The following FSTL4 variants were observed in gnomAD, a reference collection of about 807,000 sequenced individuals.
FSTL4 encodes the protein follistatin like 4.
Under a neutral mutation model 78.2 loss-of-function variants are expected in FSTL4, and 28 were observed. That is an observed-to-expected ratio of 0.36 (90% CI 0.27 to 0.49). The LOEUF (loss-of-function observed/expected upper bound fraction) is 0.49, where lower values mean the gene tolerates loss of function less well. Ranked by LOEUF, FSTL4 falls within the 20% of genes least tolerant of loss-of-function variation. FSTL4 has a pLI of 0.98. For missense variants in FSTL4, 922 were observed against 1,084.9 expected (o/e 0.85, Z 2.11); for synonymous variants, 422 against 440.5 (o/e 0.96, Z 0.53).
At chr5:133,370,128 C>A (rs1755262222) in intron 4 of FSTL4, among the ~76,000 whole-genome samples, 1 of 152,192 alleles carries the variant, frequency 6.6e-6, no homozygotes, top group Admixed American at 6.5e-5. Context: ...GTGGTCATAG[C>A]CCCACAACCT....
intron 6 of FSTL4, among the ~76,000 whole-genome samples, chr5:133,286,823 C>T (rs566515533): frequency 3.7e-4 from 56 of 152,270 alleles, no homozygotes; most frequent in Middle Eastern, 3.4e-3. Flanking sequence ...TGTCTGTGAG[C>T]GTCTGGAAGT....
At chr5:133,330,482 G>T (rs931963593) in intron 4 of FSTL4, among the ~76,000 whole-genome samples, 1 of 152,072 alleles carries the variant, frequency 6.6e-6, no homozygotes, top group Non-Finnish European at 1.5e-5. Flanking sequence ...ATCTCGCAAG[G>T]ACTCACTACC....
chr5:133,723,233 T>C, the FSTL4 span, among the ~76,000 whole-genome samples: 1 of 152,162 alleles, frequency 6.6e-6, no homozygotes, highest in Non-Finnish European at 1.5e-5. Context: ...ATAGCCCAGA[T>C]ACTTGGGCCC....
intron 13 of FSTL4, among the ~76,000 whole-genome samples, chr5:133,213,504 A>G (rs923283792): frequency 2.0e-5 from 3 of 152,198 alleles, no homozygotes; most frequent in African/African-American, 7.2e-5. Flanking sequence ...AGTAAGGGGG[A>G]GGAGGGTTGA....
the FSTL4 span, among the ~76,000 whole-genome samples, chr5:133,719,384 T>C: frequency 1.3e-5 from 2 of 152,182 alleles, no homozygotes; most frequent in East Asian, 1.9e-4. Context: ...AAAAGTCCAT[T>C]TGAGGCCAGG....
rs190164686 is a variant in FSTL4, at chr5:133,355,621, A to G, written c.410-38969T>C. ...TGGTGAGTCGAGATCGTGCCACTGC[A>G]CTCCAGCCTGGGCGACAGAGTGAAA... On this transcript the variant is annotated intron_variant, in intron 4 of 15. Transcript: ENST00000265342. Among the ~76,000 whole-genome samples the G allele has an allele frequency of 6.0e-3, 913 of 152,282 alleles. 4 individuals carry two copies. Among genetic ancestry groups the G allele is most frequent in the Non-Finnish European group, 9.6e-3 (656 of 68,014 alleles).
chr5:133,604,009 CA>C lies in FSTL4; in HGVS notation c.-10-17del, dbSNP rs1760925494. On this transcript the variant is annotated splice_polypyrimidine_tract_variant and intron_variant, in intron 1 of 15. Transcript: ENST00000265342. Reference sequence around the variant, plus strand: ...TTTGATGAGTCTGTTGAAGAAATGACAAATGCTGAGAATAAAACATTATGAG... The same window carrying C: ...TTTGATGAGTCTGTTGAAGAAATGACAATGCTGAGAATAAAACATTATGAG... 6.3e-7 allele frequency: 1 copy of C among 1,584,980 alleles called. No homozygotes were observed. Among genetic ancestry groups the C allele is most frequent in the African/African-American group, 1.3e-5 (1 of 74,304 alleles).
the FSTL4 span, among the ~76,000 whole-genome samples, chr5:133,686,206 A>G: frequency 6.6e-6 from 1 of 152,242 alleles, no homozygotes; most frequent in African/African-American, 2.4e-5. Flanking sequence ...TGAACAGCCC[A>G]GACCCCAGAG....
chr5:133,369,406 C>T (rs1006836978), intron 4 of FSTL4, among the ~76,000 whole-genome samples: 4 of 152,164 alleles, frequency 2.6e-5, no homozygotes, highest in South Asian at 4.2e-4. Context: ...AGAGCCACAC[C>T]GAGACATCTC....
chr5:133,237,496 G>A (rs1187193285), intron 7 of FSTL4, among the ~76,000 whole-genome samples: 2 of 152,118 alleles, frequency 1.3e-5, no homozygotes, highest in African/African-American at 2.4e-5. Flanking sequence ...AGGACTTGAG[G>A]GGCTCCTGGG....
chr5:133,375,418 G>A (rs1755411478), intron 4 of FSTL4, among the ~76,000 whole-genome samples: 1 of 150,180 alleles, frequency 6.7e-6, no homozygotes, highest in South Asian at 2.1e-4. Context: ...AAATTCTCTG[G>A]AAATAATACA....
rs111713690 is a variant in FSTL4 at position 133,224,178 on chromosome 5, G to A, written c.1339+12C>T. ...GATCACAGGCATGACGCAAAACAAT[G>A]AAGCTTGGTACCTTCCTCTCGCCAC... On this transcript the variant is annotated intron_variant, in intron 11 of 15. Coordinates refer to ENST00000265342, the MANE Select transcript of FSTL4 (RefSeq NM_015082.2). 766 of 1,610,776 alleles carry A rather than the reference G, an allele frequency of 4.8e-4. 4 individuals carry two copies. In the African/African-American group the frequency reaches 9.0e-3, roughly 19 times the overall value.
intron 4 of FSTL4, among the ~76,000 whole-genome samples, chr5:133,358,848 C>T (rs1309823287): frequency 1.3e-5 from 2 of 152,076 alleles, no homozygotes; most frequent in African/African-American, 4.8e-5. Flanking sequence ...CCTCAGCCTC[C>T]CACTTCTTTT....
At chr5:133,666,548 C>T in the FSTL4 span, among the ~76,000 whole-genome samples, 3 of 150,410 alleles carry the variant, frequency 2.0e-5, no homozygotes, top group East Asian at 2.0e-4. Context: ...ATATTTAAAA[C>T]GTTAAAGCTT....
chr5:133,256,225 C>T (rs1216387643), intron 6 of FSTL4, among the ~76,000 whole-genome samples: 2 of 152,214 alleles, frequency 1.3e-5, no homozygotes, highest in African/African-American at 4.8e-5. Context: ...TTAGACACAT[C>T]TCTCTAACTG....
chr5:133,350,097 G>A (rs1580639949), intron 4 of FSTL4, among the ~76,000 whole-genome samples: 1 of 142,888 alleles, frequency 7.0e-6, no homozygotes, highest in African/African-American at 2.7e-5. Flanking sequence ...CCCATAGGAT[G>A]GACTTTATGT....
At chr5:133,537,253 C>T (rs1326953210) in intron 3 of FSTL4, among the ~76,000 whole-genome samples, 1 of 152,192 alleles carries the variant, frequency 6.6e-6, no homozygotes, top group Admixed American at 6.6e-5. Flanking sequence ...CTTTACAATA[C>T]TGACCTTCTT....
Position 133,426,480 on chromosome 5 carries a change from A to C in FSTL4, c.161-25494T>G, listed in dbSNP as rs1261581608. ...AATGTCATGAAGTTGGTCTCCAGAC[A>C]GAGATCATTAGGAAGAGACTAACAA... is the stretch of plus-strand genomic sequence containing the variant. On this transcript the variant is annotated intron_variant, in intron 3 of 15. Coordinates refer to ENST00000265342, the MANE Select transcript of FSTL4 (RefSeq NM_015082.2). This position sits in a 1 kb window ranked among gnomAD's most constrained non-coding sequence, Gnocchi z 5.0. 6.6e-6 allele frequency among the ~76,000 whole-genome samples: 1 copy of C among 152,214 alleles called. No homozygotes were observed. The highest frequency in any genetic ancestry group is 1.5e-5 in the Non-Finnish European group (1 of 68,048).
the FSTL4 span, among the ~76,000 whole-genome samples, chr5:133,641,244 A>G: frequency 6.6e-6 from 1 of 151,992 alleles, no homozygotes; most frequent in Non-Finnish European, 1.5e-5. Flanking sequence ...ACAAAACAAA[A>G]CAAAACAAAA....
Sources: gnomAD v4.1 joint callset for allele counts (sites outside exome capture counted in the v4.1 genomes callset) on GRCh38, gnomAD v4.1.1 for gene constraint, Gnocchi (gnomAD v3.1) non-coding constraint, MANE v1.5 for transcripts, NCBI Gene and HGNC (gene_info 2026-07-23, HGNC 2026-07-21) for gene names.